Variants in TBX15 observed in about 807,000 individuals in gnomAD.
TBX15 encodes the protein T-box transcription factor 15, also known as T-box transcription factor TBX15.
Under a neutral mutation model 53.9 loss-of-function variants are expected in TBX15, and 18 were observed. The ratio of observed to expected loss-of-function variants is 0.33; its 90% CI spans 0.23 to 0.49. The LOEUF (loss-of-function observed/expected upper bound fraction) is 0.49. TBX15 is among the 20% of genes least tolerant of loss of function. The probability of loss-of-function intolerance (pLI) is 0.98; values close to 1 mark genes in which losing one functional copy is unlikely to be tolerated. For missense variants in TBX15, 692 were observed against 749.5 expected (o/e 0.92, Z 0.90); for synonymous variants, 295 against 278.0 (o/e 1.06, Z -0.61).
chr1:118,938,283 G>A (rs913092225), intron 1 of TBX15, among the ~76,000 whole-genome samples: 2 of 152,074 alleles, frequency 1.3e-5, no homozygotes, highest in Admixed American at 6.6e-5. Flanking sequence ...TTGGGAAAAG[G>A]GAGTAACCTG....
At chr1:118,978,114 A>T (rs1657499131) in intron 1 of TBX15, among the ~76,000 whole-genome samples, 1 of 152,266 alleles carries the variant, frequency 6.6e-6, no homozygotes, top group South Asian at 2.1e-4. Flanking sequence ...CACGCAAGCA[A>T]CAATAGGTTA....
At chr1:118,969,551 A>G (rs1173636803) in intron 1 of TBX15, among the ~76,000 whole-genome samples, 1 of 152,202 alleles carries the variant, frequency 6.6e-6, no homozygotes, top group African/African-American at 2.4e-5. Flanking sequence ...TTGGTGAGTC[A>G]TCTTGTACAA....
intron 3 of TBX15, 69 bp downstream of exon 3, chr1:118,926,440 TA>T: frequency 7.4e-7 from 1 of 1,354,960 alleles, no homozygotes; most frequent in East Asian, 2.3e-5. Context: ...CTATTTCCTC[TA>T]AGGAGTTTGA....
intron 1 of TBX15, among the ~76,000 whole-genome samples, chr1:118,977,298 C>A (rs1657466761): frequency 6.6e-6 from 1 of 152,126 alleles, no homozygotes; most frequent in Admixed American, 6.5e-5. Context: ...CATATATATG[C>A]ACATATATAT....
intron 1 of TBX15, among the ~76,000 whole-genome samples, chr1:118,934,800 C>T (rs1200924660): frequency 6.6e-6 from 1 of 152,140 alleles, no homozygotes; most frequent in African/African-American, 2.4e-5. Flanking sequence ...AGGAAATGGG[C>T]AAGTCTGTGG....
intron 6 of TBX15, among the ~76,000 whole-genome samples, chr1:118,906,414 T>C (rs1654828283): frequency 1.3e-5 from 2 of 152,202 alleles, no homozygotes. Flanking sequence ...ATTTCTAGCC[T>C]ACTTTTCCTC....
intron 1 of TBX15, among the ~76,000 whole-genome samples, chr1:118,954,616 C>A (rs1256067702): frequency 9.2e-5 from 14 of 152,194 alleles, no homozygotes; most frequent in Admixed American, 9.2e-4. Flanking sequence ...TCCTGATTAA[C>A]CATATGTGTG....
chr1:118,923,428 C>G lies in TBX15; in HGVS notation c.861+8G>C. ...TGTAGCAGAAGACTCTCAAGGGCCA[C>G]CTCTTACCTGCTGATTCTGATAGGC... On this transcript the variant is annotated splice_region_variant and intron_variant, in intron 5 of 7. Transcript: ENST00000369429. The G allele has an allele frequency of 1.2e-6, 2 of 1,613,768 alleles. No homozygotes were observed. Among genetic ancestry groups the G allele is most frequent in the Non-Finnish European group, 1.7e-6 (2 of 1,179,846 alleles).
intron 6 of TBX15, among the ~76,000 whole-genome samples, chr1:118,904,730 G>C: frequency 6.6e-6 from 1 of 152,142 alleles, no homozygotes; most frequent in Non-Finnish European, 1.5e-5. Context: ...TACAAAGTTG[G>C]CTAACTAGAA....
chr1:118,960,280 T>G lies in TBX15; in HGVS notation c.205+27311A>C, dbSNP rs80188704. ...GCTTGCACTGGAAAACTTGCCACCT[T>G]CCGCCCAGTTCAGGTTTCATCTGAT... On this transcript the variant is annotated intron_variant, in intron 1 of 7. Coordinates refer to ENST00000369429, the MANE Select transcript of TBX15 (RefSeq NM_001330677.2). 2.2e-3 allele frequency among the ~76,000 whole-genome samples: 339 copies of G among 152,278 alleles called. 1 individual carries two copies. The highest frequency in any genetic ancestry group is 7.9e-3 in the African/African-American group (328 of 41,566).
chr1:118,914,290 T>A, intron 5 of TBX15, 111 bp from the exon 6 acceptor site: 1 of 1,028,712 alleles, frequency 9.7e-7, no homozygotes. Flanking sequence ...TGCTTTTATT[T>A]AATTTCCTTT....
intron 6 of TBX15, among the ~76,000 whole-genome samples, chr1:118,908,942 A>ACATG (rs1654934148): frequency 6.6e-6 from 1 of 152,020 alleles, no homozygotes; most frequent in East Asian, 1.9e-4. Context: ...ACACACACAC[A>ACATG]CATGCATGCA....
chr1:118,960,420 T>C (rs574855793), intron 1 of TBX15, among the ~76,000 whole-genome samples: 14 of 152,282 alleles, frequency 9.2e-5, no homozygotes, highest in African/African-American at 3.4e-4. Context: ...CCCTTGCACC[T>C]CCATCTAACC....
chr1:118,923,331 T>C, intron 5 of TBX15, 105 bp downstream of exon 5: 2 of 1,391,512 alleles, frequency 1.4e-6, no homozygotes, highest in Non-Finnish European at 1.0e-6. Context: ...GGACTAAGGG[T>C]TGTTGTATGT....
At position 118,884,510 on chromosome 1, in the gene TBX15, CAGA is replaced by C; in HGVS notation, c.*219_*221del. On this transcript the variant is annotated 3_prime_UTR_variant, in exon 8 of 8. Transcript: ENST00000369429. ...TTTATAAAACTAAGGTCTGGGAAGG[CAGA>C]AGAATGGCCACTGAGTTGCGGATGA... 1.7e-6 allele frequency: 1 copy of C among 600,146 alleles called. No homozygotes were observed. The highest frequency in any genetic ancestry group is 2.9e-6 in the Non-Finnish European group (1 of 348,820). 37.2% of individuals were successfully genotyped at this position (600,146 alleles called of 1,614,324 possible).
intron 1 of TBX15, 94 bp downstream of exon 1, chr1:118,987,497 A>T (rs1003249581): frequency 3.6e-6 from 5 of 1,388,096 alleles, no homozygotes; most frequent in African/African-American, 1.5e-5. Context: ...GCAGGGCGTC[A>T]ATGGCAGGGC....
In TBX15 at chr1:118,885,011, G is replaced by A; in HGVS notation, c.1530C>T (p.Ser510=). ...CATACAGGTTGTAAGGGTTGTGAAGGGAGAAGGCATTGTAGGAGCTCTGCT... is the reference window on the plus strand; with the variant it reads ...CATACAGGTTGTAAGGGTTGTGAAGAGAGAAGGCATTGTAGGAGCTCTGCT... ...HMQQSSYNAF[S]LHNPYNLYGY... Residue 510 remains serine (S), a synonymous_variant, in exon 8 of 8, where the codon TCC becomes TCT. Transcript: ENST00000369429. 1 of 1,614,146 alleles carries A rather than the reference G, an allele frequency of 6.2e-7. No homozygotes were observed. The highest frequency in any genetic ancestry group is 8.5e-7 in the Non-Finnish European group (1 of 1,180,026).
chr1:118,934,534 T>C (rs1655901231), intron 1 of TBX15, among the ~76,000 whole-genome samples: 2 of 152,234 alleles, frequency 1.3e-5, no homozygotes, highest in South Asian at 4.1e-4. Context: ...TGATTAATTA[T>C]GTGTTTATTG....
At chr1:118,900,191 A>T (rs974776971) in intron 6 of TBX15, among the ~76,000 whole-genome samples, 1 of 152,152 alleles carries the variant, frequency 6.6e-6, no homozygotes, top group Non-Finnish European at 1.5e-5. Flanking sequence ...GGAGGAGAAT[A>T]GGAAAGAGCA....
Sources: gnomAD v4.1 joint callset for allele counts (sites outside exome capture counted in the v4.1 genomes callset) on GRCh38, gnomAD v4.1.1 for gene constraint, MANE v1.5 for transcripts, NCBI Gene and HGNC (gene_info 2026-07-23, HGNC 2026-07-21) for gene names.